Variants in CEP128 observed in about 807,000 individuals in gnomAD.
CEP128 encodes the protein centrosomal protein 128, also known as centrosomal protein 128kDa.
CEP128 carries 132 observed loss-of-function variants against 156.7 expected under a neutral mutation model. That is an observed-to-expected ratio of 0.84 (90% CI 0.73 to 0.97). The LOEUF is 0.97. CEP128 is among the 50% of genes least tolerant of loss of function. The pLI is 0.00. For synonymous variants in CEP128, 469 were observed against 448.9 expected (o/e 1.04, Z -0.57); for missense variants, 1,252 against 1,281.9 (o/e 0.98, Z 0.36).
At chr14:80,511,559 T>A (rs2140217497) in intron 23 of CEP128, among the ~76,000 whole-genome samples, 1 of 152,126 alleles carries the variant, frequency 6.6e-6, no homozygotes, top group Non-Finnish European at 1.5e-5. Context: ...TTTTGTTTAG[T>A]TGATATTTTG....
chr14:80,494,509 A>G (rs1462147807), downstream of CEP128, among the ~76,000 whole-genome samples: 1 of 152,180 alleles, frequency 6.6e-6, no homozygotes, highest in Non-Finnish European at 1.5e-5. Flanking sequence ...TGCTAAGTAA[A>G]TGTGCCATCT....
At chr14:80,660,222 A>G (rs1013367101) in intron 19 of CEP128, among the ~76,000 whole-genome samples, 6 of 152,198 alleles carry the variant, frequency 3.9e-5, no homozygotes, top group African/African-American at 1.4e-4. Context: ...AAAGATTTAA[A>G]TAACAGGACA....
At chr14:80,582,941 G>A (rs1161343284) in intron 19 of CEP128, among the ~76,000 whole-genome samples, 1 of 152,082 alleles carries the variant, frequency 6.6e-6, no homozygotes, top group African/African-American at 2.4e-5. Flanking sequence ...AACCACAAAA[G>A]AAAACTAATC....
chr14:80,561,183 T>C (rs988372968), intron 20 of CEP128, among the ~76,000 whole-genome samples: 4 of 152,212 alleles, frequency 2.6e-5, no homozygotes, highest in Admixed American at 6.5e-5. Flanking sequence ...CATTTGGCTA[T>C]GTGGGCATGA....
At chr14:80,766,947 C>T (rs187056293) in intron 16 of CEP128, among the ~76,000 whole-genome samples, 8 of 152,130 alleles carry the variant, frequency 5.3e-5, no homozygotes, top group Non-Finnish European at 1.2e-4. Flanking sequence ...GCACACATCC[C>T]CTAAAAAGTT....
At position 80,923,830 on chromosome 14, in the gene CEP128, AT is replaced by A. The variant is rs1479468103; in HGVS notation, c.-15-7269del. On this transcript the variant is annotated intron_variant, in intron 2 of 24. Transcript: ENST00000555265. ...TTAAATTGTAATCCCCATAATCCCC[AT>A]GCATTTAGTGAGAGACCTGATGGGA... is the stretch of plus-strand genomic sequence containing the variant. Among the ~76,000 whole-genome samples, 114 of 152,258 alleles carry A rather than the reference AT, an allele frequency of 7.5e-4. 1 individual carries two copies. The highest frequency in any genetic ancestry group is 7.5e-3 in the Admixed American group (114 of 15,290).
chr14:80,752,998 TTCTTACCCATCTAA>T (rs1899468731), intron 18 of CEP128, among the ~76,000 whole-genome samples: 1 of 151,634 alleles, frequency 6.6e-6, no homozygotes, highest in Non-Finnish European at 1.5e-5. Context: ...GGAAGTGTAT[TTCTTACCCATCTAA>T]TCTCCAAGTT....
chr14:80,672,455 C>A lies in CEP128; in HGVS notation c.2806+70620G>T, dbSNP rs571591751. Among the ~76,000 whole-genome samples the A allele has an allele frequency of 2.8e-4, 43 of 152,154 alleles. 1 individual carries two copies. The South Asian group carries it at 7.7e-3, about 27-fold the overall frequency. ...AAATGCAGCCAAAAAGTTAACCAATCAACAAACAAAAGCAACATAGCTAAG... is the reference window on the plus strand; with the variant it reads ...AAATGCAGCCAAAAAGTTAACCAATAAACAAACAAAAGCAACATAGCTAAG... On this transcript the variant is annotated intron_variant, in intron 19 of 24. Coordinates refer to ENST00000555265, the MANE Select transcript of CEP128 (RefSeq NM_152446.5).
At chr14:80,642,986 C>T (rs1894485804) in intron 19 of CEP128, among the ~76,000 whole-genome samples, 1 of 151,976 alleles carries the variant, frequency 6.6e-6, no homozygotes, top group Admixed American at 6.6e-5. Context: ...GATCTCCTGA[C>T]CTCGTGATCT....
chr14:80,636,142 G>T (rs1351558952), intron 19 of CEP128, among the ~76,000 whole-genome samples: 1 of 152,142 alleles, frequency 6.6e-6, no homozygotes, highest in Non-Finnish European at 1.5e-5. Context: ...CTATGGCTAT[G>T]ACTGCATCTT....
chr14:80,844,400 T>C (rs1056937141), intron 9 of CEP128, among the ~76,000 whole-genome samples: 1 of 151,970 alleles, frequency 6.6e-6, no homozygotes, highest in Admixed American at 6.6e-5. Flanking sequence ...AGGTGAAAAG[T>C]AGAAATGCTT....
At chr14:80,632,513 G>A (rs1007763423) in intron 19 of CEP128, among the ~76,000 whole-genome samples, 3 of 148,590 alleles carry the variant, frequency 2.0e-5, no homozygotes, top group African/African-American at 7.4e-5. Context: ...CATATATAAT[G>A]AAAATTACAA....
At chr14:80,771,194 C>CA (rs1278509030) in intron 16 of CEP128, among the ~76,000 whole-genome samples, 6 of 151,824 alleles carry the variant, frequency 4.0e-5, no homozygotes, top group African/African-American at 1.5e-4. Context: ...TTTGTCAGAC[C>CA]AAAAAATAAG....
At chr14:80,588,968 T>A (rs891083067) in intron 19 of CEP128, among the ~76,000 whole-genome samples, 1 of 151,950 alleles carries the variant, frequency 6.6e-6, no homozygotes, top group African/African-American at 2.4e-5. Context: ...AGGAAGAAAA[T>A]GGGATAAGAA....
At chr14:80,787,106 A>T (rs536436172) in intron 14 of CEP128, among the ~76,000 whole-genome samples, 1 of 152,306 alleles carries the variant, frequency 6.6e-6, no homozygotes, top group South Asian at 2.1e-4. Context: ...AGTAGCTTAA[A>T]ATACACATTT....
chr14:80,614,515 T>C (rs1238107329), intron 19 of CEP128, among the ~76,000 whole-genome samples: 1 of 152,204 alleles, frequency 6.6e-6, no homozygotes, highest in Non-Finnish European at 1.5e-5. Context: ...TAACTTTTCA[T>C]TTTAACATCT....
intron 8 of CEP128, among the ~76,000 whole-genome samples, chr14:80,891,924 A>G (rs983460571): frequency 2.6e-5 from 4 of 151,996 alleles, no homozygotes; most frequent in African/African-American, 9.7e-5. Context: ...CAAAATAATG[A>G]AAAAATAAAT....
intron 2 of CEP128, among the ~76,000 whole-genome samples, chr14:80,931,998 A>G (rs761515268): frequency 2.0e-5 from 3 of 152,124 alleles, no homozygotes; most frequent in Non-Finnish European, 4.4e-5. Context: ...GACTGGTGGG[A>G]GGTAATTGAC....
intron 6 of CEP128, among the ~76,000 whole-genome samples, chr14:80,903,430 T>C (rs1016056645): frequency 4.6e-5 from 7 of 152,078 alleles, no homozygotes; most frequent in African/African-American, 1.2e-4. Context: ...CTCCATGACT[T>C]TGGTTTAGGC....
Sources: gnomAD v4.1 joint callset for allele counts (sites outside exome capture counted in the v4.1 genomes callset) on GRCh38, gnomAD v4.1.1 for gene constraint, MANE v1.5 for transcripts, NCBI Gene and HGNC (gene_info 2026-07-23, HGNC 2026-07-21) for gene names.